The following TGFBR3 variants were observed in gnomAD, a reference collection of about 807,000 sequenced individuals.
The protein encoded by TGFBR3 is transforming growth factor beta receptor type 3.
TGFBR3 carries 46 observed loss-of-function variants against 87.9 expected under a neutral mutation model. The observed-to-expected ratio is 0.52, with a 90% CI of 0.41 to 0.67. TGFBR3 has a LOEUF of 0.67. Ranked by LOEUF, TGFBR3 falls within the 30% of genes least tolerant of loss-of-function variation. TGFBR3 has a pLI of 0.00. For missense variants in TGFBR3, 866 were observed against 1,041.9 expected, an observed-to-expected ratio of 0.83 and a Z score of 2.32; for synonymous variants, 381 against 391.6, an observed-to-expected ratio of 0.97 and a Z score of 0.32.
At chr1:91,828,920 C>T (rs1239733030) in intron 2 of TGFBR3, among the ~76,000 whole-genome samples, 1 of 152,140 alleles carries the variant, frequency 6.6e-6, no homozygotes, top group East Asian at 1.9e-4. Flanking sequence ...AGCTTTAAGG[C>T]TAAAGCTGAC....
chr1:91,803,464 C>T (rs534148798), intron 2 of TGFBR3, among the ~76,000 whole-genome samples: 2 of 151,976 alleles, frequency 1.3e-5, no homozygotes, highest in South Asian at 2.1e-4. Flanking sequence ...AAGCAGCATG[C>T]TGAGGAGGGC....
intron 2 of TGFBR3, among the ~76,000 whole-genome samples, chr1:91,800,255 T>C (rs11580340): frequency 0.035 from 3,139 of 89,122 alleles, 110 homozygotes; most frequent in African/African-American, 0.076. Flanking sequence ...TATATATATA[T>C]ACACACACAC....
chr1:91,775,357 C>T (rs1217808832), intron 3 of TGFBR3, among the ~76,000 whole-genome samples: 4 of 152,230 alleles, frequency 2.6e-5, no homozygotes, highest in African/African-American at 4.8e-5. Flanking sequence ...TTGCTAACTC[C>T]ACTCCAGCCA....
intron 3 of TGFBR3, among the ~76,000 whole-genome samples, chr1:91,787,038 C>T (rs925384473): frequency 3.9e-5 from 6 of 152,174 alleles, no homozygotes; most frequent in African/African-American, 1.4e-4. Context: ...CACAGTGGCT[C>T]ACGCCTATAA....
chr1:91,720,090 G>A lies in TGFBR3; in HGVS notation c.1216C>T (p.Pro406Ser), dbSNP rs781269907. Residue 406 changes from proline to serine, a missense_variant, in exon 9 of 17, where the codon CCA becomes TCA. Coordinates refer to ENST00000212355, the MANE Select transcript of TGFBR3 (RefSeq NM_003243.5). ...TTCCAGACTCTCCTGGAAATATCTG[G>A]GAAAGGAAACGGAAGGCCTCCATTT... ...GQNGGLPFPF[P>S]DISRRVWNEE... 1.2e-6 allele frequency: 2 copies of A among 1,614,138 alleles called. No individual in the cohort carries two copies. Among genetic ancestry groups the A allele is most frequent in the Middle Eastern group, 3.3e-4 (2 of 6,060 alleles).
intron 1 of TGFBR3, among the ~76,000 whole-genome samples, chr1:91,876,968 C>G (rs1678834303): frequency 6.6e-6 from 1 of 151,646 alleles, no homozygotes; most frequent in Non-Finnish European, 1.5e-5. Context: ...TTTTGTGATA[C>G]ATAATTGGAA....
At chr1:91,790,335 T>C (rs895195161) in intron 3 of TGFBR3, among the ~76,000 whole-genome samples, 2 of 152,220 alleles carry the variant, frequency 1.3e-5, no homozygotes, top group Non-Finnish European at 2.9e-5. Flanking sequence ...ATGGGCTATA[T>C]ATACCATATG....
At chr1:91,786,740 G>T (rs1278648651) in intron 3 of TGFBR3, among the ~76,000 whole-genome samples, 1 of 150,148 alleles carries the variant, frequency 6.7e-6, no homozygotes, top group Non-Finnish European at 1.5e-5. Context: ...GACAGAGCAA[G>T]ACTGTGTCTC....
chr1:91,835,875 C>G (rs1677044608), intron 2 of TGFBR3, among the ~76,000 whole-genome samples: 2 of 137,974 alleles, frequency 1.4e-5, no homozygotes, highest in Admixed American at 1.5e-4. Context: ...CACTAGAACT[C>G]TACCATGCCC....
chr1:91,797,537 G>A, intron 2 of TGFBR3, 66 bp from the exon 3 acceptor site: 1 of 1,573,968 alleles, frequency 6.4e-7, no homozygotes. Context: ...AAAGGGGCAA[G>A]GGTGATCAAA....
rs1279768967 is a variant in TGFBR3, at chr1:91,681,951, G to A, written c.*1788C>T. ...CTCTAAACTCATGTCTTCTTCGTTT[G>A]TATATGGAAATCTAGAAATTTTTCA... On this transcript the variant is annotated 3_prime_UTR_variant, in exon 17 of 17. Transcript: ENST00000212355. The A allele has an allele frequency of 2.2e-6, 1 of 452,856 alleles. No homozygotes were observed. The highest frequency in any genetic ancestry group is 6.9e-5 in the East Asian group (1 of 14,390). The allele number at this position is 452,856 out of a possible 1,614,324, so 28.1% of individuals were successfully genotyped here.
chr1:91,821,475 T>A (rs552303699), intron 2 of TGFBR3, among the ~76,000 whole-genome samples: 2 of 152,220 alleles, frequency 1.3e-5, no homozygotes, highest in South Asian at 4.1e-4. Flanking sequence ...CTCTACTTTA[T>A]CATAAAAATA....
intron 4 of TGFBR3, among the ~76,000 whole-genome samples, chr1:91,756,007 TACTC>T (rs1354445499): frequency 6.6e-6 from 1 of 152,242 alleles, no homozygotes; most frequent in African/African-American, 2.4e-5. Context: ...TGATCTCACT[TACTC>T]AAGATAACAG....
intron 3 of TGFBR3, among the ~76,000 whole-genome samples, chr1:91,796,495 T>C (rs1436645293): frequency 6.6e-6 from 1 of 152,152 alleles, no homozygotes; most frequent in Non-Finnish European, 1.5e-5. Flanking sequence ...GCCTAGATAG[T>C]GATAAGGAGC....
At position 91,680,592 on chromosome 1, in the gene TGFBR3, A is replaced by G. The variant is rs965621544; in HGVS notation, c.*3147T>C. 2.2e-6 allele frequency: 1 copy of G among 453,970 alleles called. No homozygotes were observed. Among genetic ancestry groups the G allele is most frequent in the African/African-American group, 2.0e-5 (1 of 49,986 alleles). The allele number at this position is 453,970 out of a possible 1,614,324, so 28.1% of individuals were successfully genotyped here. Reference sequence around the variant, plus strand: ...AGAAGAGAGAAGTATTGTATTTGGAAACTGATAATAGTCCTTTTTAGAAAA... The same window carrying G: ...AGAAGAGAGAAGTATTGTATTTGGAGACTGATAATAGTCCTTTTTAGAAAA... On this transcript the variant is annotated 3_prime_UTR_variant, in exon 17 of 17. Transcript: ENST00000212355.
intron 2 of TGFBR3, among the ~76,000 whole-genome samples, chr1:91,824,640 C>G (rs559843241): frequency 3.9e-5 from 6 of 152,144 alleles, no homozygotes; most frequent in Non-Finnish European, 8.8e-5. Flanking sequence ...GAAACTAGAA[C>G]CCTCATATAT....
At chr1:91,854,052 T>C (rs185069337) in intron 2 of TGFBR3, among the ~76,000 whole-genome samples, 4 of 152,152 alleles carry the variant, frequency 2.6e-5, no homozygotes, top group Non-Finnish European at 5.9e-5. Context: ...AACAGTAAAA[T>C]GGTGGTTACC....
intron 1 of TGFBR3, among the ~76,000 whole-genome samples, chr1:91,901,937 CA>C (rs1358090335): frequency 1.1e-5 from 1 of 92,804 alleles, no homozygotes; most frequent in Non-Finnish European, 2.4e-5. Flanking sequence ...CCCACCCCAC[CA>C]AAAGAAAAAA....
intron 2 of TGFBR3, among the ~76,000 whole-genome samples, chr1:91,802,359 TTTTC>T (rs1353424254): frequency 1.3e-5 from 2 of 151,920 alleles, no homozygotes; most frequent in Non-Finnish European, 2.9e-5. Context: ...TTCTCCTTTT[TTTTC>T]TTTTTCTTTT....
Sources: allele counts gnomAD v4.1 joint callset (sites outside exome capture counted in the v4.1 genomes callset), GRCh38; gene constraint gnomAD v4.1.1; transcripts MANE v1.5; gene names NCBI Gene and HGNC (gene_info 2026-07-23, HGNC 2026-07-21).